FRMPD1: variants seen among roughly 807,000 people sequenced by gnomAD.
FRMPD1 encodes the protein FERM and PDZ domain-containing protein 1.
A neutral mutation model predicts 117.8 loss-of-function variants in FRMPD1; 76 were observed. The ratio of observed to expected loss-of-function variants is 0.65; its 90% CI spans 0.54 to 0.78. The LOEUF (loss-of-function observed/expected upper bound fraction) is 0.78, where lower values mean the gene tolerates loss of function less well. Ranked by LOEUF, FRMPD1 falls within the 30% of genes least tolerant of loss-of-function variation. The pLI is 0.00. For synonymous variants in FRMPD1, 783 were observed against 770.4 expected, an observed-to-expected ratio of 1.02 and a Z score of -0.27; for missense variants, 1,786 against 1,964.5, an observed-to-expected ratio of 0.91 and a Z score of 1.72.
At chr9:37,620,190 C>T in the FRMPD1 span, among the ~76,000 whole-genome samples, 2 of 152,326 alleles carry the variant, frequency 1.3e-5, no homozygotes, top group East Asian at 1.9e-4. Flanking sequence ...TTACCCTTCA[C>T]TTCTACACAA....
chr9:37,678,004 A>T (rs1481393999), intron 1 of FRMPD1, among the ~76,000 whole-genome samples: 1 of 152,106 alleles, frequency 6.6e-6, no homozygotes, highest in East Asian at 1.9e-4. Context: ...GAATCTGTGG[A>T]TATTAGCATT....
chr9:37,683,456 G>A (rs1300475543), intron 1 of FRMPD1, among the ~76,000 whole-genome samples: 1 of 152,216 alleles, frequency 6.6e-6, no homozygotes, highest in Non-Finnish European at 1.5e-5. Flanking sequence ...TTTTACAGAT[G>A]AGAAAACAGA....
rs150794302 is a variant in FRMPD1, at chr9:37,702,916, A to G, written c.102-4500A>G. 3.8e-3 allele frequency among the ~76,000 whole-genome samples: 579 copies of G among 152,202 alleles called. 4 individuals carry two copies. Among genetic ancestry groups the G allele is most frequent in the Middle Eastern group, 0.014 (4 of 294 alleles). On this transcript the variant is annotated intron_variant, in intron 2 of 15. Coordinates refer to ENST00000377765, the MANE Select transcript of FRMPD1 (RefSeq NM_014907.3). ...GTTGTGTTTGGTTTATCTATTCCCT[A>G]TCGGGTTGTTTTGAGTTTTCCCACT...
At chr9:37,640,970 C>G in the FRMPD1 span, among the ~76,000 whole-genome samples, 2 of 152,200 alleles carry the variant, frequency 1.3e-5, no homozygotes, top group Non-Finnish European at 1.5e-5. Flanking sequence ...TCACTGCAGC[C>G]TTGACCTCCT....
At chr9:37,644,907 G>T in the FRMPD1 span, among the ~76,000 whole-genome samples, 1 of 152,144 alleles carries the variant, frequency 6.6e-6, no homozygotes, top group African/African-American at 2.4e-5. Context: ...GGTGGCATCT[G>T]CCCCCGGGGG....
intron 6 of FRMPD1, among the ~76,000 whole-genome samples, chr9:37,720,883 C>T (rs1017415342): frequency 1.3e-5 from 2 of 152,166 alleles, no homozygotes; most frequent in African/African-American, 2.4e-5. Context: ...GAGACTTCGT[C>T]TCAAAAAAAA....
At chr9:37,738,730 G>C (rs1447405812) in intron 14 of FRMPD1, among the ~76,000 whole-genome samples, 1 of 152,190 alleles carries the variant, frequency 6.6e-6, no homozygotes, top group African/African-American at 2.4e-5. Context: ...CAACAGGGCT[G>C]TTGTGGAGGG....
intron 7 of FRMPD1, among the ~76,000 whole-genome samples, chr9:37,724,950 A>C (rs150866336): frequency 4.8e-4 from 73 of 152,344 alleles, no homozygotes; most frequent in African/African-American, 1.7e-3. Context: ...CAGACAAGGC[A>C]TGGGAAAGAA....
chr9:37,638,048 T>C, the FRMPD1 span, among the ~76,000 whole-genome samples: 205 of 145,474 alleles, frequency 1.4e-3, 19 homozygotes, highest in African/African-American at 4.9e-3. Flanking sequence ...CTTTCTTTCT[T>C]TCCTTTCTTT....
chr9:37,654,724 G>A (rs1016993188), intron 1 of FRMPD1, among the ~76,000 whole-genome samples: 9 of 152,248 alleles, frequency 5.9e-5, no homozygotes, highest in Non-Finnish European at 1.3e-4. Flanking sequence ...GAGGCCTGAA[G>A]GGGCTTGGTG....
chr9:37,654,384 C>T (rs1820778628), intron 1 of FRMPD1, among the ~76,000 whole-genome samples: 1 of 152,188 alleles, frequency 6.6e-6, no homozygotes, highest in East Asian at 1.9e-4. Flanking sequence ...AGTGCAGCAG[C>T]TCTGTATCTG....
At chr9:37,663,471 C>T (rs1821060160) in intron 1 of FRMPD1, among the ~76,000 whole-genome samples, 1 of 152,144 alleles carries the variant, frequency 6.6e-6, no homozygotes, top group Non-Finnish European at 1.5e-5. Context: ...GTTCTCATGC[C>T]TTAATAATGA....
At chr9:37,637,963 G>GCTTTCTTT in the FRMPD1 span, among the ~76,000 whole-genome samples, 7,475 of 99,830 alleles carry the variant, frequency 0.075, 815 homozygotes, top group Admixed American at 0.092. Flanking sequence ...AATGGTGTAT[G>GCTTTCTTT]CTTTCTTTCT....
chr9:37,627,187 C>G, the FRMPD1 span, among the ~76,000 whole-genome samples: 1 of 152,130 alleles, frequency 6.6e-6, no homozygotes, highest in Non-Finnish European at 1.5e-5. Context: ...TCTTTTAGCC[C>G]CTTACCTCAA....
rs1181740794 is a variant in FRMPD1 at position 37,744,796 on chromosome 9, G to A, written c.2764G>A (p.Glu922Lys). ...CACAAACCCAGCCTCCAGGGTCATG[G>A]AGATGGAGCCCGAGACCATGGAAAC... ...KSTNPASRVMEMEPETMETKS... is the reference protein window; with the variant it reads ...KSTNPASRVMKMEPETMETKS... Residue 922 changes from glutamate (E) to lysine (K), a missense_variant, in exon 16 of 16, where the codon GAG becomes AAG. Glu to Lys is a moderately conservative substitution (Grantham distance 56, BLOSUM62 1). Transcript: ENST00000377765. The A allele has an allele frequency of 1.2e-6, 2 of 1,614,192 alleles. No homozygotes were observed. Among genetic ancestry groups the A allele is most frequent in the Non-Finnish European group, 8.5e-7 (1 of 1,180,036 alleles).
chr9:37,640,660 G>A, the FRMPD1 span, among the ~76,000 whole-genome samples: 1 of 149,196 alleles, frequency 6.7e-6, no homozygotes, highest in Non-Finnish European at 1.5e-5. Context: ...AGGCTGTGAA[G>A]TAAGGTTATC....
intron 1 of FRMPD1, among the ~76,000 whole-genome samples, chr9:37,655,956 C>G (rs1820831113): frequency 1.3e-5 from 2 of 152,150 alleles, no homozygotes; most frequent in Non-Finnish European, 2.9e-5. Flanking sequence ...CTTCCAGATC[C>G]CCTCATCCCA....
At chr9:37,666,784 C>T (rs1207773014) in intron 1 of FRMPD1, among the ~76,000 whole-genome samples, 1 of 152,170 alleles carries the variant, frequency 6.6e-6, no homozygotes, top group Non-Finnish European at 1.5e-5. Context: ...TGTGCAAGTA[C>T]TCAATGCATA....
chr9:37,724,426 G>A (rs948929234), intron 7 of FRMPD1, 106 bp downstream of exon 7: 5 of 620,582 alleles, frequency 8.1e-6, no homozygotes, highest in East Asian at 2.8e-5. Context: ...CACAAACACC[G>A]TGGTCTGAGC....
Sources: gnomAD v4.1 joint callset for allele counts (sites outside exome capture counted in the v4.1 genomes callset) on GRCh38, gnomAD v4.1.1 for gene constraint, MANE v1.5 for transcripts, NCBI Gene and HGNC (gene_info 2026-07-23, HGNC 2026-07-21) for gene names.